PTPN13: variants seen among roughly 807,000 people sequenced by gnomAD.
The protein encoded by PTPN13 is tyrosine-protein phosphatase non-receptor type 13.
A neutral mutation model predicts 284.0 loss-of-function variants in PTPN13; 191 were observed. The observed-to-expected ratio is 0.67, with a 90% CI of 0.60 to 0.76. The LOEUF (loss-of-function observed/expected upper bound fraction) is 0.76. Among genes scored for constraint, PTPN13 ranks in the 30% least tolerant of loss-of-function variants. The probability of loss-of-function intolerance (pLI) is 0.00; values close to 1 mark genes in which losing one functional copy is unlikely to be tolerated. For synonymous variants in PTPN13, 986 were observed against 1,022.3 expected (o/e 0.96, Z 0.68); for missense variants, 2,797 against 2,939.9 (o/e 0.95, Z 1.12).
chr4:86,767,669 T>TG, intron 27 of PTPN13, 148 bp from the exon 28 acceptor site: 3 of 580,514 alleles, frequency 5.2e-6, no homozygotes, highest in African/African-American at 1.9e-5. Context: ...TTTGTTCCTC[T>TG]ATTTTTTTTT....
At chr4:86,666,174 GTCTC>G (rs1301687462) in intron 2 of PTPN13, among the ~76,000 whole-genome samples, 1 of 152,040 alleles carries the variant, frequency 6.6e-6, no homozygotes, top group Non-Finnish European at 1.5e-5. Flanking sequence ...ACACTATACT[GTCTC>G]TCAGTAAAAT....
Position 86,784,563 on chromosome 4 carries a change from T to G in PTPN13, c.6118+5T>G. On this transcript the variant is annotated splice_donor_5th_base_variant and intron_variant, in intron 38 of 47. Coordinates refer to ENST00000411767, the MANE Select transcript of PTPN13 (RefSeq NM_080683.3). The stretch of plus-strand genomic sequence containing the variant: ...CAAACTTGACTCTGCCCAAAGGTAG[T>G]TTTCCAAATCAGTCATCTAATTACT... 6 of 1,589,700 alleles carry G rather than the reference T, an allele frequency of 3.8e-6. No individual in the cohort carries two copies. Among genetic ancestry groups the G allele is most frequent in the Non-Finnish European group, 5.1e-6 (6 of 1,165,158 alleles).
intron 1 of PTPN13, among the ~76,000 whole-genome samples, chr4:86,612,432 T>C (rs1265750814): frequency 6.6e-6 from 1 of 152,222 alleles, no homozygotes; most frequent in Non-Finnish European, 1.5e-5. Context: ...ATCTGAGCTG[T>C]GGGAACTTTA....
chr4:86,774,956 G>T (rs778211211), intron 33 of PTPN13, among the ~76,000 whole-genome samples: 20 of 151,982 alleles, frequency 1.3e-4, no homozygotes, highest in Non-Finnish European at 1.9e-4. Flanking sequence ...GCATTTGTTA[G>T]GGATTTAACA....
In PTPN13 at chr4:86,750,848, CTGA is replaced by C. The variant is rs1737306554; in HGVS notation, c.3032_3034del (p.Asp1011del). On this transcript the variant is annotated inframe_deletion, in exon 18 of 48. Coordinates refer to ENST00000411767, the MANE Select transcript of PTPN13 (RefSeq NM_080683.3). ...AAACCTTCTCACCAGATGTCAAGAT[CTGA>C]TGCAGAATCTTTGGCAGGAGTGACA... is the stretch of plus-strand genomic sequence containing the variant. 2 of 1,613,652 alleles carry C rather than the reference CTGA, an allele frequency of 1.2e-6. No homozygotes were observed. The highest frequency in any genetic ancestry group is 2.2e-5 in the South Asian group (2 of 90,966).
chr4:86,669,431 A>G (rs1242047120), intron 2 of PTPN13, among the ~76,000 whole-genome samples: 1 of 151,858 alleles, frequency 6.6e-6, no homozygotes, highest in Non-Finnish European at 1.5e-5. Context: ...CCAAAACATT[A>G]CACTGTACGC....
chr4:86,616,736 C>T (rs1720591489), intron 1 of PTPN13, among the ~76,000 whole-genome samples: 2 of 152,136 alleles, frequency 1.3e-5, no homozygotes, highest in African/African-American at 2.4e-5. Flanking sequence ...TCTAAGCTTC[C>T]TGAGATCTCC....
At chr4:86,631,796 G>T (rs1201322557) in intron 1 of PTPN13, among the ~76,000 whole-genome samples, 1 of 152,102 alleles carries the variant, frequency 6.6e-6, no homozygotes, top group African/African-American at 2.4e-5. Context: ...ATTCTATTGT[G>T]TGAGAAGTTA....
rs1739185907 is a variant in PTPN13 at position 86,765,416 on chromosome 4, A to C, written c.4171A>C (p.Arg1391=). ...SVTGGVNTSV[R]HGGIYVKAVI... The stretch of plus-strand genomic sequence containing the variant: ...TTAGGGAGGTGTGAATACGAGTGTC[A>C]GACATGGTGGCATTTATGTGAAAGC... Residue 1391 remains arginine (R), a synonymous_variant, in exon 26 of 48, where the codon AGA becomes CGA. Transcript: ENST00000411767. 1 of 1,601,710 alleles carries C rather than the reference A, an allele frequency of 6.2e-7. No individual in the cohort carries two copies. Among genetic ancestry groups the C allele is most frequent in the Admixed American group, 1.7e-5 (1 of 58,724 alleles).
Position 86,814,694 on chromosome 4 carries a change from G to A in PTPN13, c.*143G>A. The A allele has an allele frequency of 1.8e-6, 1 of 568,412 alleles. No homozygotes were observed. Among genetic ancestry groups the A allele is most frequent in the East Asian group, 3.0e-5 (1 of 33,364 alleles). 35.2% of individuals were successfully genotyped at this position (568,412 alleles called of 1,614,324 possible). ...TCTATCTTAGAGGGGTATTCTTCTT[G>A]AAAATAAAAAATATTGAAATGCTGT... On this transcript the variant is annotated 3_prime_UTR_variant, in exon 48 of 48. Coordinates refer to ENST00000411767, the MANE Select transcript of PTPN13 (RefSeq NM_080683.3).
chr4:86,774,393 C>A lies in PTPN13; in HGVS notation c.5370C>A (p.Thr1790=). 6.2e-7 allele frequency: 1 copy of A among 1,606,760 alleles called. No homozygotes were observed. Among genetic ancestry groups the A allele is most frequent in the Non-Finnish European group, 8.5e-7 (1 of 1,176,376 alleles). ...CTTAGGAAGTAGAACTCCTCATTACCCTAATTAAATCAGAAAAAGGAAGCC... is the reference window on the plus strand; with the variant it reads ...CTTAGGAAGTAGAACTCCTCATTACACTAATTAAATCAGAAAAAGGAAGCC... ...DFELEVELLI[T]LIKSEKGSLG... The change falls in exon 33 of 48, where the codon ACC becomes ACA. Residue 1790 remains threonine, a synonymous_variant. Coordinates refer to ENST00000411767, the MANE Select transcript of PTPN13 (RefSeq NM_080683.3).
Position 86,765,891 on chromosome 4 carries a change from G to A in PTPN13, c.4243+403G>A, listed in dbSNP as rs369197220. ...CACCCAGGCTGGAGTGCAGTGGTGCGATCTCAGTTCACTGCAACCTCCGCC... is the reference window on the plus strand; with the variant it reads ...CACCCAGGCTGGAGTGCAGTGGTGCAATCTCAGTTCACTGCAACCTCCGCC... On this transcript the variant is annotated intron_variant, in intron 26 of 47. Coordinates refer to ENST00000411767, the MANE Select transcript of PTPN13 (RefSeq NM_080683.3). 8.6e-5 allele frequency among the ~76,000 whole-genome samples: 13 copies of A among 151,762 alleles called. No homozygotes were observed. In the South Asian group the frequency reaches 1.2e-3, roughly 15 times the overall value.
chr4:86,723,665 T>C (rs1239288073), intron 10 of PTPN13, among the ~76,000 whole-genome samples: 2 of 152,218 alleles, frequency 1.3e-5, no homozygotes, highest in Admixed American at 6.5e-5. Flanking sequence ...CAAAAGTTTG[T>C]GCCAGTTTTT....
chr4:86,703,672 G>A (rs1731407601), intron 7 of PTPN13, among the ~76,000 whole-genome samples: 1 of 151,906 alleles, frequency 6.6e-6, no homozygotes, highest in South Asian at 2.1e-4. Flanking sequence ...TTCAAGACCA[G>A]TCTGGGCAAT....
chr4:86,724,984 C>T (rs1323349979), intron 10 of PTPN13, among the ~76,000 whole-genome samples: 2 of 140,542 alleles, frequency 1.4e-5, no homozygotes, highest in Non-Finnish European at 3.1e-5. Flanking sequence ...CACCCCCCAA[C>T]AGAACTTGGT....
chr4:86,672,054 A>G (rs987357288), intron 2 of PTPN13, among the ~76,000 whole-genome samples: 1 of 152,218 alleles, frequency 6.6e-6, no homozygotes, highest in African/African-American at 2.4e-5. Flanking sequence ...TGTCACGTTG[A>G]TAAAACATTT....
chr4:86,718,956 A>G (rs1453375346), intron 9 of PTPN13, among the ~76,000 whole-genome samples: 1 of 152,106 alleles, frequency 6.6e-6, no homozygotes, highest in Non-Finnish European at 1.5e-5. Context: ...ACAAAGATCT[A>G]TGCTTTACGT....
At chr4:86,682,704 G>C (rs998626419) in intron 3 of PTPN13, among the ~76,000 whole-genome samples, 2 of 152,132 alleles carry the variant, frequency 1.3e-5, no homozygotes, top group African/African-American at 2.4e-5. Flanking sequence ...AGTGATGTCA[G>C]TGCTGCTATA....
chr4:86,766,673 A>G (rs980457106), intron 27 of PTPN13, 156 bp downstream of exon 27: 5 of 475,296 alleles, frequency 1.1e-5, no homozygotes, highest in Non-Finnish European at 1.8e-5. Context: ...TTTCCTTCCA[A>G]ATTGAAATGC....
Sources: allele counts gnomAD v4.1 joint callset (sites outside exome capture counted in the v4.1 genomes callset), GRCh38; gene constraint gnomAD v4.1.1; transcripts MANE v1.5; gene names NCBI Gene and HGNC (gene_info 2026-07-23, HGNC 2026-07-21).